MYH4: variants seen among roughly 807,000 people sequenced by gnomAD.
MYH4 encodes myosin heavy chain 4, also known as myosin-4.
Under a neutral mutation model 229.9 loss-of-function variants are expected in MYH4, and 200 were observed. The observed-to-expected ratio is 0.87, with a 90% CI of 0.78 to 0.98. The LOEUF is 0.98. MYH4 is among the 50% of genes least tolerant of loss of function. MYH4 has a pLI of 0.00. For synonymous variants in MYH4, 761 were observed against 834.6 expected (o/e 0.91, Z 1.52); for missense variants, 2,148 against 2,332.6 (o/e 0.92, Z 1.63).
intron 24 of MYH4, 97 bp from the exon 25 acceptor site, chr17:10,453,029 A>G (rs2072595675): frequency 6.3e-7 from 1 of 1,585,322 alleles, no homozygotes; most frequent in African/African-American, 1.4e-5. Context: ...TTAAAGATAC[A>G]ACAAATAGCA....
rs1432791884 is a variant in MYH4, at chr17:10,463,650, A to C, written c.649-7T>G. On this transcript the variant is annotated splice_region_variant and splice_polypyrimidine_tract_variant and intron_variant, in intron 7 of 39. Coordinates refer to ENST00000255381, the MANE Select transcript of MYH4 (RefSeq NM_017533.2). ...TTTGATCTTCAAGGGTCCCCTTAAG[A>C]GAAATGAATAAGACAGACAAAGAAA... 1.3e-6 allele frequency: 2 copies of C among 1,587,082 alleles called. No individual in the cohort carries two copies. Among genetic ancestry groups the C allele is most frequent in the Non-Finnish European group, 1.7e-6 (2 of 1,167,174 alleles).
intron 28 of MYH4, 93 bp downstream of exon 28, chr17:10,451,233 A>G (rs2072568840): frequency 1.0e-5 from 15 of 1,443,652 alleles, no homozygotes; most frequent in Non-Finnish European, 1.3e-5. Flanking sequence ...ATGAATGTAC[A>G]GAGCTTGAGA....
rs1304664348 is a variant in MYH4, at chr17:10,451,337, T to C, written c.3854A>G (p.His1285Arg). Residue 1285 changes from histidine (H) to arginine (R), a missense_variant, in exon 28 of 40, where the codon CAC becomes CGC. His to Arg is a conservative substitution (Grantham distance 29). Transcript: ENST00000255381. ...ATTTATTTACTGACCTGATTCTGTG[T>C]GTAAACGTGCCTTCTGGGCTGACAA... Reference protein sequence around the residue: ...NELSAQKARLHTESGEFSRQL... With the variant: ...NELSAQKARLRTESGEFSRQL... 1 of 1,613,960 alleles carries C rather than the reference T, an allele frequency of 6.2e-7. No homozygotes were observed. The highest frequency in any genetic ancestry group is 1.1e-5 in the South Asian group (1 of 91,056).
chr17:10,465,353 T>G, intron 5 of MYH4, 89 bp downstream of exon 5: 1 of 1,480,878 alleles, frequency 6.8e-7, no homozygotes, highest in South Asian at 1.2e-5. Context: ...TGCTGAACAG[T>G]TATTCTCAGA....
rs148792775 is a variant in MYH4 at position 10,453,733 on chromosome 17, C to T, written c.2844G>A (p.Glu948=). Residue 948 remains glutamate (E), a synonymous_variant, in exon 23 of 40, where the codon GAG becomes GAA. Coordinates refer to ENST00000255381, the MANE Select transcript of MYH4 (RefSeq NM_017533.2). ...CTTTCTTGAGCTCTGAACATTCATC[C>T]TCCAGTTTCCTCTTCTTGGCTGTCA... is the stretch of plus-strand genomic sequence containing the variant. ...AELTAKKRKL[E]DECSELKKDI... is the part of the protein sequence containing the mutation. 4 of 1,613,946 alleles carry T rather than the reference C, an allele frequency of 2.5e-6. No individual in the cohort carries two copies. The African/African-American group carries it at 5.3e-5, about 22-fold the overall frequency.
chr17:10,448,195 C>A, intron 33 of MYH4, 69 bp from the exon 34 acceptor site: 1 of 1,456,498 alleles, frequency 6.9e-7, no homozygotes, highest in South Asian at 1.4e-5. Flanking sequence ...ATGATAATTT[C>A]CCCAAGAAGG....
Position 10,451,928 on chromosome 17 carries a change from A to G in MYH4, c.3738+13T>C, listed in dbSNP as rs1418362676. ...TGCAAATAAAGATGAAAAGGGCACA[A>G]GTTAATGAAGACCTTGGCTTTGGAG... On this transcript the variant is annotated intron_variant, in intron 27 of 39. Coordinates refer to ENST00000255381, the MANE Select transcript of MYH4 (RefSeq NM_017533.2). 1 of 1,586,012 alleles carries G rather than the reference A, an allele frequency of 6.3e-7. No individual in the cohort carries two copies. Among genetic ancestry groups the G allele is most frequent in the African/African-American group, 1.3e-5 (1 of 74,330 alleles).
chr17:10,456,892 G>T (rs1252611052), intron 16 of MYH4, among the ~76,000 whole-genome samples: 2 of 152,232 alleles, frequency 1.3e-5, no homozygotes, highest in African/African-American at 4.8e-5. Context: ...CCTTGTTAGT[G>T]CAGGCCTCAC....
chr17:10,445,593 G>A (rs896330201), intron 35 of MYH4, among the ~76,000 whole-genome samples: 1 of 151,882 alleles, frequency 6.6e-6, no homozygotes, highest in African/African-American at 2.4e-5. Flanking sequence ...TATTACCATT[G>A]CCATTTGTAA....
rs200035231 is a variant in MYH4 at position 10,452,187 on chromosome 17, C to A, written c.3492G>T (p.Gln1164His). 2.2e-5 allele frequency: 35 copies of A among 1,613,920 alleles called. 1 individual carries two copies. The highest frequency in any genetic ancestry group is 3.4e-4 in the Middle Eastern group (2 of 5,944). Residue 1164 changes from glutamine to histidine, a missense_variant, in exon 27 of 40, where the codon CAG becomes CAT. Physicochemically the swap from Gln to His is conservative, Grantham distance 24 (BLOSUM62 0). Transcript: ENST00000255381. The stretch of plus-strand genomic sequence containing the variant: ...CCTCCCGCTTCTTGTTCATCTCAAT[C>A]TGGGCTGAAGTGGCCCCACCGGCTT... ...LEEAGGATSA[Q>H]IEMNKKREAE...
chr17:10,466,306 G>T lies in MYH4; in HGVS notation c.315C>A (p.Asn105Lys). The change falls in exon 4 of 40, where the codon AAC becomes AAA. Residue 105 changes from asparagine (N) to lysine (K), a missense_variant. Physicochemically the swap from Asn to Lys is moderately conservative, Grantham distance 94. Coordinates refer to ENST00000255381, the MANE Select transcript of MYH4 (RefSeq NM_017533.2). ...THLHEPAVLYNLKERYAAWMI... is the reference protein window; with the variant it reads ...THLHEPAVLYKLKERYAAWMI... ...TCCAGGCTGCGTAACGCTCTTTGAG[G>T]TTATACAGCACAGCAGGCTCATGCA... 1.2e-6 allele frequency: 2 copies of T among 1,614,146 alleles called. No individual in the cohort carries two copies. Among genetic ancestry groups the T allele is most frequent in the Non-Finnish European group, 1.7e-6 (2 of 1,180,020 alleles).
chr17:10,468,675 C>T (rs949253235), intron 2 of MYH4, among the ~76,000 whole-genome samples: 1 of 152,118 alleles, frequency 6.6e-6, no homozygotes, highest in Non-Finnish European at 1.5e-5. Flanking sequence ...AAACCACTGA[C>T]GTCAATCACA....
intron 15 of MYH4, among the ~76,000 whole-genome samples, chr17:10,458,948 A>G (rs2072671088): frequency 6.6e-6 from 1 of 152,224 alleles, no homozygotes; most frequent in Admixed American, 6.5e-5. Context: ...ACCCAGAGGA[A>G]TAGCTGTAAT....
chr17:10,461,287 A>C (rs2072698818), intron 11 of MYH4, among the ~76,000 whole-genome samples: 1 of 152,162 alleles, frequency 6.6e-6, no homozygotes, highest in African/African-American at 2.4e-5. Context: ...ACAGCATATG[A>C]TGTGACTTGT....
chr17:10,455,382 A>G, intron 19 of MYH4, 87 bp from the exon 20 acceptor site: 1 of 1,453,468 alleles, frequency 6.9e-7, no homozygotes, highest in Non-Finnish European at 9.3e-7. Flanking sequence ...TGAAAAGATG[A>G]TAGATTAAGT....
intron 35 of MYH4, 69 bp downstream of exon 35, chr17:10,446,944 A>T: frequency 6.7e-7 from 1 of 1,485,998 alleles, no homozygotes; most frequent in South Asian, 1.2e-5. Context: ...CTTTATAAAC[A>T]AGCTTATCTT....
chr17:10,459,365 A>G lies in MYH4; in HGVS notation c.1473T>C (p.Phe491=), dbSNP rs559822024. Residue 491 remains phenylalanine (F), a synonymous_variant, in exon 15 of 40, where the codon TTT becomes TTC. Transcript: ENST00000255381. The part of the protein sequence containing the change: ...INFTNEKLQQ[F]FNHHMFVLEQ... ...CCAGCACGAACATGTGGTGGTTGAA[A>G]AACTGTTGCAGTTTCTCGTTGGTGA... 3.3e-5 allele frequency: 53 copies of G among 1,614,144 alleles called. No homozygotes were observed. In the African/African-American group the frequency reaches 6.3e-4, roughly 19 times the overall value.
intron 2 of MYH4, among the ~76,000 whole-genome samples, chr17:10,467,704 A>G (rs2072782554): frequency 6.6e-6 from 1 of 152,224 alleles, no homozygotes; most frequent in African/African-American, 2.4e-5. Context: ...TTTTAAAAAT[A>G]CCAACCAGTC....
chr17:10,449,548 C>T (rs1286505649), intron 30 of MYH4, among the ~76,000 whole-genome samples: 1 of 152,152 alleles, frequency 6.6e-6, no homozygotes, highest in African/African-American at 2.4e-5. Flanking sequence ...GAACAGGAAG[C>T]ATATCACCAA....
Sources: gnomAD v4.1 joint callset for allele counts (sites outside exome capture counted in the v4.1 genomes callset) on GRCh38, gnomAD v4.1.1 for gene constraint, MANE v1.5 for transcripts, NCBI Gene and HGNC (gene_info 2026-07-23, HGNC 2026-07-21) for gene names.